Variants in MTRR observed in about 807,000 individuals in gnomAD.
MTRR encodes 5-methyltetrahydrofolate-homocysteine methyltransferase reductase.
In MTRR, 63 loss-of-function variants were observed where a neutral mutation model predicts 79.2. The ratio of observed to expected loss-of-function variants is 0.80; its 90% CI spans 0.65 to 0.98. MTRR has a LOEUF of 0.98. Among genes scored for constraint, MTRR ranks in the 50% least tolerant of loss-of-function variants. The probability of loss-of-function intolerance (pLI) is 0.00; values close to 1 mark genes in which losing one functional copy is unlikely to be tolerated. For synonymous variants in MTRR, 355 were observed against 313.3 expected, an observed-to-expected ratio of 1.13 and a Z score of -1.41; for missense variants, 895 against 839.6, an observed-to-expected ratio of 1.07 and a Z score of -0.82.
At position 7,869,199 on chromosome 5, in the gene MTRR, C is replaced by T. The variant is rs749513400; in HGVS notation, c.-42C>T. The stretch of plus-strand genomic sequence containing the variant: ...AAGTCGCGTTGTGCAGGTTCGTGCC[C>T]GGCTGGCGCGGCGTGGGTAAGCTGC... On this transcript the variant is annotated 5_prime_UTR_variant, in exon 1 of 15. Transcript: ENST00000440940. 1.9e-6 allele frequency: 3 copies of T among 1,608,786 alleles called. No homozygotes were observed. The highest frequency in any genetic ancestry group is 2.2e-5 in the East Asian group (1 of 44,858).
intron 1 of MTRR, among the ~76,000 whole-genome samples, chr5:7,854,884 C>A (rs922188311): frequency 3.9e-5 from 6 of 152,180 alleles, no homozygotes; most frequent in African/African-American, 1.4e-4. Flanking sequence ...GGCTGGGAGG[C>A]TAAGCCAGTC....
chr5:7,861,244 C>T, intron 1 of MTRR: 7 of 1,605,024 alleles, frequency 4.4e-6, no homozygotes, highest in Non-Finnish European at 6.0e-6. Flanking sequence ...CTTTTTGGAC[C>T]ATCAATACAC....
intron 2 of MTRR, chr5:7,872,161 C>A: frequency 2.4e-6 from 1 of 415,924 alleles, no homozygotes; most frequent in Non-Finnish European, 4.7e-6. Context: ...GTTTAACACA[C>A]AACTTACATA....
At chr5:7,896,098 G>C (rs938900817) in intron 12 of MTRR, among the ~76,000 whole-genome samples, 1 of 152,140 alleles carries the variant, frequency 6.6e-6, no homozygotes, top group South Asian at 2.1e-4. Context: ...ACACTGGTTT[G>C]TAGCATATGT....
chr5:7,900,039 T>G lies in MTRR; in HGVS notation c.2078T>G (p.Leu693Arg). The G allele has an allele frequency of 6.2e-7, 1 of 1,613,636 alleles. No homozygotes were observed. Among genetic ancestry groups the G allele is most frequent in the Non-Finnish European group, 8.5e-7 (1 of 1,179,926 alleles). The change falls in exon 15 of 15, where the codon CTT becomes CGT. Residue 693 changes from leucine (L) to arginine (R), a missense_variant. Coordinates refer to ENST00000440940, the MANE Select transcript of MTRR (RefSeq NM_002454.3). ...LATLKEEKRY[L>R]QDIWS ...ACTTTAAAAGAAGAAAAACGCTACC[T>G]TCAGGATATTTGGTCATAAAACCAG...
chr5:7,866,183 T>C (rs1186221777), upstream of MTRR, among the ~76,000 whole-genome samples: 2 of 152,120 alleles, frequency 1.3e-5, no homozygotes, highest in Non-Finnish European at 2.9e-5. Flanking sequence ...CCCAAGCTCC[T>C]AGCTACAGAA....
At chr5:7,854,800 C>CT (rs1746190267) in intron 1 of MTRR, among the ~76,000 whole-genome samples, 1 of 152,196 alleles carries the variant, frequency 6.6e-6, no homozygotes, top group Non-Finnish European at 1.5e-5. Flanking sequence ...GGAGGCCAGT[C>CT]TGAGTCCCAG....
intron 12 of MTRR, 98 bp downstream of exon 12, chr5:7,895,950 A>G: frequency 6.9e-7 from 1 of 1,442,006 alleles, no homozygotes; most frequent in Non-Finnish European, 9.5e-7. Flanking sequence ...TAAAATTTTT[A>G]TTTAAAAAAT....
rs1734891379 is a variant in MTRR, at chr5:7,878,133, T to C, written c.591T>C (p.Asp197=). The C allele has an allele frequency of 6.2e-7, 1 of 1,613,940 alleles. No homozygotes were observed. Among genetic ancestry groups the C allele is most frequent in the Non-Finnish European group, 8.5e-7 (1 of 1,180,020 alleles). Residue 197 remains aspartate (D), a synonymous_variant, in exon 5 of 15, where the codon GAT becomes GAC. Transcript: ENST00000440940. ...CTCAAGTCGAGCTTCTGAGATTCGA[T>C]GATTCAGGAAGAAAGGATTCTGAGG... ...IESQVELLRF[D]DSGRKDSEVL... is the part of the protein sequence containing the mutation.
chr5:7,885,973 C>T (rs1191362078), intron 7 of MTRR, 119 bp downstream of exon 7: 11 of 1,345,962 alleles, frequency 8.2e-6, no homozygotes, highest in Non-Finnish European at 1.2e-5. Flanking sequence ...GCCTGGGGCT[C>T]AGCTGCGCAT....
rs185775975 is a variant in MTRR, at chr5:7,880,167, T to A, written c.780+1845T>A. Among the ~76,000 whole-genome samples the A allele has an allele frequency of 5.3e-5, 8 of 152,342 alleles. No homozygotes were observed. The East Asian group carries it at 1.5e-3, about 29-fold the overall frequency. ...ATGGGTCTTACCAAAGACCGCACTG[T>A]CCTGGCTACTCCTCGTTGCTCATTC... On this transcript the variant is annotated intron_variant, in intron 5 of 14. Coordinates refer to ENST00000440940, the MANE Select transcript of MTRR (RefSeq NM_002454.3).
chr5:7,893,320 C>A, intron 11 of MTRR: 1 of 191,674 alleles, frequency 5.2e-6, no homozygotes, highest in Non-Finnish European at 1.1e-5. Flanking sequence ...CATTGGGAGT[C>A]TGAGGGCAAC....
chr5:7,861,158 T>G, intron 1 of MTRR: 1 of 1,600,196 alleles, frequency 6.2e-7, no homozygotes, highest in Non-Finnish European at 8.5e-7. Flanking sequence ...CCTGAACAAC[T>G]TGATAACCGA....
At position 7,892,869 on chromosome 5, in the gene MTRR, A is replaced by T. The variant is rs774507224; in HGVS notation, c.1513A>T (p.Ile505Leu). The change falls in exon 11 of 15, where the codon ATA (isoleucine) becomes TTA (leucine). Residue 505 changes from isoleucine (I) to leucine (L), a missense_variant. Transcript: ENST00000440940. ...LLVASVLQPNIHASHEDSGKA... is the reference protein window; with the variant it reads ...LLVASVLQPNLHASHEDSGKA... ...GGTTGCTTCAGTTCTTCAGCCAAAC[A>T]TACATGCATCCCATGAAGACAGCGG... The T allele has an allele frequency of 6.2e-7, 1 of 1,614,254 alleles. No homozygotes were observed. The highest frequency in any genetic ancestry group is 1.1e-5 in the South Asian group (1 of 91,088).
At chr5:7,872,650 A>G (rs1416895979) in intron 2 of MTRR, among the ~76,000 whole-genome samples, 2 of 152,218 alleles carry the variant, frequency 1.3e-5, no homozygotes, top group East Asian at 3.9e-4. Flanking sequence ...TGTCACATGC[A>G]GTACACATGG....
chr5:7,882,792 C>A (rs2126725074), intron 5 of MTRR, among the ~76,000 whole-genome samples: 1 of 152,334 alleles, frequency 6.6e-6, no homozygotes, highest in Middle Eastern at 3.4e-3. Flanking sequence ...ACACATGTTG[C>A]ATTCTTAAAC....
upstream of MTRR, chr5:7,867,654 C>G: frequency 6.2e-7 from 1 of 1,614,210 alleles, no homozygotes; most frequent in Non-Finnish European, 8.5e-7. Flanking sequence ...TGATCACCAT[C>G]CTTTTTTTCC....
chr5:7,853,148 T>A (rs1746124720), intron 1 of MTRR, among the ~76,000 whole-genome samples: 1 of 152,170 alleles, frequency 6.6e-6, no homozygotes, highest in African/African-American at 2.4e-5. Flanking sequence ...AATCCCCACA[T>A]GTCAAAGGAG....
Position 7,895,824 on chromosome 5 carries a change from G to T in MTRR, c.1648G>T (p.Ala550Ser). 6.2e-7 allele frequency: 1 copy of T among 1,614,084 alleles called. No individual in the cohort carries two copies. The highest frequency in any genetic ancestry group is 1.3e-5 in the African/African-American group (1 of 75,022). The change falls in exon 12 of 15, where the codon GCC (alanine) becomes TCC (serine). Residue 550 changes from alanine (A) to serine (S), a missense_variant. By Grantham distance (99) the Ala-to-Ser change is moderately conservative. Transcript: ENST00000440940. ...IIMVGPGTGI[A>S]PFIGFLQHRE... is the part of the protein sequence containing the mutation. Reference sequence around the variant, plus strand: ...AATGGTGGGTCCAGGAACCGGCATAGCCCCGTTTATTGGGTTCCTACAACA... The same window carrying T: ...AATGGTGGGTCCAGGAACCGGCATATCCCCGTTTATTGGGTTCCTACAACA...
Sources: allele counts gnomAD v4.1 joint callset (sites outside exome capture counted in the v4.1 genomes callset), GRCh38; gene constraint gnomAD v4.1.1; transcripts MANE v1.5; gene names NCBI Gene and HGNC (gene_info 2026-07-23, HGNC 2026-07-21).